Variants in ERG observed in about 807,000 individuals in gnomAD.
ERG encodes the protein transcriptional regulator ERG.
In ERG, 9 loss-of-function variants were observed where a neutral mutation model predicts 55.3. That is an observed-to-expected ratio of 0.16 (90% CI 0.10 to 0.28). The LOEUF is 0.28. Among genes scored for constraint, ERG ranks in the 10% least tolerant of loss-of-function variants. The pLI is 1.00. For synonymous variants in ERG, 223 were observed against 237.3 expected (o/e 0.94, Z 0.55); for missense variants, 434 against 631.6 (o/e 0.69, Z 3.35).
intron 1 of ERG, among the ~76,000 whole-genome samples, chr21:38,448,245 C>T (rs2058910177): frequency 6.6e-6 from 1 of 152,156 alleles, no homozygotes; most frequent in Non-Finnish European, 1.5e-5. Context: ...AAGGAAAAAA[C>T]CCTCAGAAAT....
intron 1 of ERG, among the ~76,000 whole-genome samples, chr21:38,650,479 T>TA (rs1419190771): frequency 3.9e-5 from 6 of 151,944 alleles, no homozygotes. Flanking sequence ...CTACTAACAA[T>TA]ACAAAAAATT....
intron 1 of ERG, among the ~76,000 whole-genome samples, chr21:38,481,912 T>C (rs1230104895): frequency 6.6e-6 from 1 of 152,232 alleles, no homozygotes; most frequent in Non-Finnish European, 1.5e-5. Flanking sequence ...GAAAGACTTA[T>C]TATATAATAG....
Position 38,383,057 on chromosome 21 carries a change from T to A in ERG, c.*346A>T. On this transcript the variant is annotated 3_prime_UTR_variant, in exon 10 of 10. Coordinates refer to ENST00000288319, the MANE Select transcript of ERG (RefSeq NM_182918.4). This position sits in a 1 kb window ranked among gnomAD's most constrained non-coding sequence, Gnocchi z 5.7. ...GCTTTAGTTTCATCCCAGTTTGCAT[T>A]AGTGGGATTCCAAACTCTACTCTAA... The A allele has an allele frequency of 9.1e-7, 1 of 1,097,626 alleles. No homozygotes were observed. Among genetic ancestry groups the A allele is most frequent in the Non-Finnish European group, 1.1e-6 (1 of 901,696 alleles). 68.0% of individuals were successfully genotyped at this position (1,097,626 alleles called of 1,614,324 possible). A position where few individuals can be genotyped will look rare whatever the true frequency, so the allele number is the denominator to read the frequency against.
chr21:38,605,768 C>T (rs1022784266), intron 1 of ERG, among the ~76,000 whole-genome samples: 2 of 152,132 alleles, frequency 1.3e-5, no homozygotes, highest in African/African-American at 2.4e-5. Flanking sequence ...CAAAAACAGT[C>T]ATCTGTGAGA....
At chr21:38,588,139 T>A (rs781088434), upstream of ERG, among the ~76,000 whole-genome samples, 1 of 152,198 alleles carries the variant, frequency 6.6e-6, no homozygotes, top group Non-Finnish European at 1.5e-5. Context: ...CCGCGTGAGC[T>A]GGCCTCATCA....
Position 38,548,506 on chromosome 21 carries a change from G to T in ERG, c.-41+27156C>A, listed in dbSNP as rs1341975934. On this transcript the variant is annotated intron_variant, in intron 2 of 8. Coordinates refer to the ERG transcript ENST00000398897. ...TCTGTTGCCCAGGCTGGAGTGCAGT[G>T]GTGCGATCTCTGCTCACTGCAAGCT... Among the ~76,000 whole-genome samples the T allele has an allele frequency of 4.0e-5, 6 of 148,910 alleles. No individual in the cohort carries two copies. In the South Asian group the frequency reaches 1.1e-3, roughly 27 times the overall value.
At chr21:38,605,500 C>T (rs550943818) in intron 1 of ERG, among the ~76,000 whole-genome samples, 3 of 152,304 alleles carry the variant, frequency 2.0e-5, no homozygotes, top group African/African-American at 7.2e-5. Context: ...ACATTACACA[C>T]ATGGCCAAGA....
chr21:38,568,983 A>G (rs1220032701), intron 2 of ERG, among the ~76,000 whole-genome samples: 1 of 152,178 alleles, frequency 6.6e-6, no homozygotes, highest in Non-Finnish European at 1.5e-5. Context: ...CACAGGGGTG[A>G]TAGGGGGTGA....
In ERG at chr21:38,568,428, A is replaced by T. The variant is rs138251984; in HGVS notation, c.-41+7234T>A. 3.9e-5 allele frequency among the ~76,000 whole-genome samples: 6 copies of T among 152,310 alleles called. No individual in the cohort carries two copies. The East Asian group carries it at 9.6e-4, about 24-fold the overall frequency. Reference sequence around the variant, plus strand: ...ATGCACTATTTCATTCCCATTTTACAGCTGAGGAAACTGAGGCAGCTAGTA... The same window carrying T: ...ATGCACTATTTCATTCCCATTTTACTGCTGAGGAAACTGAGGCAGCTAGTA... On this transcript the variant is annotated intron_variant, in intron 2 of 8. Coordinates refer to the ERG transcript ENST00000398897.
chr21:38,396,471 A>G (rs1988222621), intron 6 of ERG, among the ~76,000 whole-genome samples: 2 of 152,260 alleles, frequency 1.3e-5, no homozygotes, highest in Admixed American at 6.5e-5. Flanking sequence ...GTGAGCTCCA[A>G]TGGAGGAATA....
intron 1 of ERG, among the ~76,000 whole-genome samples, chr21:38,594,912 T>G (rs545636858): frequency 6.6e-6 from 1 of 152,236 alleles, no homozygotes; most frequent in South Asian, 2.1e-4. Flanking sequence ...TCTCCTGAGA[T>G]GGCTGAGAAG....
intron 2 of ERG, among the ~76,000 whole-genome samples, chr21:38,508,501 T>C (rs1438340431): frequency 6.6e-6 from 1 of 152,204 alleles, no homozygotes; most frequent in African/African-American, 2.4e-5. Context: ...TTACAGCAGA[T>C]TTATCTGGAT....
At chr21:38,497,806 T>C (rs1568856306) in intron 1 of ERG, among the ~76,000 whole-genome samples, 2 of 152,146 alleles carry the variant, frequency 1.3e-5, no homozygotes, top group Non-Finnish European at 2.9e-5. Context: ...ATTACCCCCA[T>C]TTGAGTTACG....
intron 2 of ERG, among the ~76,000 whole-genome samples, chr21:38,520,357 G>C (rs1400638047): frequency 6.6e-6 from 1 of 152,170 alleles, no homozygotes. Flanking sequence ...TAGCCCTCTA[G>C]ACTGAAGGAT....
At chr21:38,609,548 G>A (rs1032410844) in intron 1 of ERG, among the ~76,000 whole-genome samples, 2 of 152,162 alleles carry the variant, frequency 1.3e-5, no homozygotes, top group African/African-American at 2.4e-5. Context: ...AAATCAGTAC[G>A]TGAACTCAAT....
chr21:38,517,602 C>T (rs2059561490), intron 2 of ERG, among the ~76,000 whole-genome samples: 1 of 152,034 alleles, frequency 6.6e-6, no homozygotes, highest in Non-Finnish European at 1.5e-5. Flanking sequence ...TATCTCACTA[C>T]TGGGTATTTA....
chr21:38,531,879 G>A (rs577144496), intron 2 of ERG, among the ~76,000 whole-genome samples: 43 of 152,218 alleles, frequency 2.8e-4, no homozygotes, highest in Middle Eastern at 3.4e-3. Flanking sequence ...AGTGCAGTGC[G>A]TTACACAGAA....
chr21:38,451,248 G>C, intron 1 of ERG: 2 of 500,268 alleles, frequency 4.0e-6, no homozygotes, highest in South Asian at 3.0e-5. Context: ...CTGGGAACCA[G>C]TAAGGACTTC....
intron 1 of ERG, among the ~76,000 whole-genome samples, chr21:38,651,252 A>G (rs1004340480): frequency 6.6e-6 from 1 of 152,182 alleles, no homozygotes; most frequent in Non-Finnish European, 1.5e-5. Context: ...TCAATTTTCT[A>G]TTGCTATCAT....
Sources: allele counts gnomAD v4.1 joint callset (sites outside exome capture counted in the v4.1 genomes callset), GRCh38; gene constraint gnomAD v4.1.1; non-coding constraint Gnocchi (gnomAD v3.1); transcripts MANE v1.5; gene names NCBI Gene and HGNC (gene_info 2026-07-23, HGNC 2026-07-21).